Variants in RGSL1 observed in about 807,000 individuals in gnomAD.
RGSL1 encodes regulator of G protein signaling protein-like.
RGSL1 carries 97 observed loss-of-function variants against 124.7 expected under a neutral mutation model. The observed-to-expected ratio is 0.78, with a 90% CI of 0.66 to 0.92. RGSL1 has a LOEUF of 0.92. Ranked by LOEUF, RGSL1 falls within the 40% of genes least tolerant of loss-of-function variation. The pLI is 0.00. For missense variants in RGSL1, 1,233 were observed against 1,288.4 expected, an observed-to-expected ratio of 0.96 and a Z score of 0.66; for synonymous variants, 424 against 438.1, an observed-to-expected ratio of 0.97 and a Z score of 0.40.
rs1414936195 is a variant in RGSL1 at position 182,530,228 on chromosome 1, C to G, written c.2126-16C>G. 6.5e-7 allele frequency: 1 copy of G among 1,534,130 alleles called. No individual in the cohort carries two copies. Among genetic ancestry groups the G allele is most frequent in the Non-Finnish European group, 8.8e-7 (1 of 1,134,186 alleles). On this transcript the variant is annotated splice_polypyrimidine_tract_variant and intron_variant, in intron 11 of 21. Coordinates refer to ENST00000294854, the MANE Select transcript of RGSL1 (RefSeq NM_001137669.2). The stretch of plus-strand genomic sequence containing the variant: ...AGATGAGGATTACAGCTTCTTTTCT[C>G]TCTTGCATTTTCTAGAAGAAATGCT...
chr1:182,471,934 A>C (rs1399374007), intron 4 of RGSL1, among the ~76,000 whole-genome samples: 1 of 152,152 alleles, frequency 6.6e-6, no homozygotes. Context: ...TAGATGGACT[A>C]CATCTTTCAC....
chr1:182,505,038 A>T (rs914668306), intron 9 of RGSL1, among the ~76,000 whole-genome samples: 7 of 152,144 alleles, frequency 4.6e-5, no homozygotes, highest in African/African-American at 2.4e-5. Context: ...TTATTACCCC[A>T]TATGTATCCT....
intron 2 of RGSL1, among the ~76,000 whole-genome samples, chr1:182,455,384 C>G (rs1240923436): frequency 6.6e-6 from 1 of 152,098 alleles, no homozygotes; most frequent in African/African-American, 2.4e-5. Flanking sequence ...GAGTTTGAGA[C>G]CAGCCTGGCC....
intron 4 of RGSL1, 103 bp downstream of exon 4, chr1:182,460,236 G>A (rs559155889): frequency 9.5e-6 from 13 of 1,375,158 alleles, no homozygotes; most frequent in South Asian, 4.5e-5. Flanking sequence ...GTATGTGTGT[G>A]TGTGTGTGTG....
At chr1:182,494,757 G>A (rs770524161) in intron 9 of RGSL1, among the ~76,000 whole-genome samples, 2 of 152,212 alleles carry the variant, frequency 1.3e-5, no homozygotes, top group Non-Finnish European at 2.9e-5. Context: ...CTGAGGTATC[G>A]TCATTCTCCC....
chr1:182,500,422 T>C, intron 9 of RGSL1, among the ~76,000 whole-genome samples: 1 of 152,218 alleles, frequency 6.6e-6, no homozygotes, highest in East Asian at 1.9e-4. Flanking sequence ...TGTTTTATAG[T>C]AAGTTTTAAA....
intron 21 of RGSL1, among the ~76,000 whole-genome samples, chr1:182,559,559 C>G (rs191468502): frequency 6.6e-6 from 1 of 152,192 alleles, no homozygotes; most frequent in Non-Finnish European, 1.5e-5. Context: ...TCTGCTTCAT[C>G]CCACACACTG....
chr1:182,489,457 T>G (rs1655361442), intron 8 of RGSL1, among the ~76,000 whole-genome samples: 1 of 152,164 alleles, frequency 6.6e-6, no homozygotes, highest in African/African-American at 2.4e-5. Flanking sequence ...CTGCTGGATC[T>G]GAGGGAGCCA....
At chr1:182,520,197 C>A (rs1180126756) in intron 9 of RGSL1, among the ~76,000 whole-genome samples, 1 of 152,144 alleles carries the variant, frequency 6.6e-6, no homozygotes, top group East Asian at 1.9e-4. Flanking sequence ...TAGTAGCATC[C>A]AGATAACCTT....
At chr1:182,525,876 C>T (rs1239280050) in intron 10 of RGSL1, among the ~76,000 whole-genome samples, 1 of 151,782 alleles carries the variant, frequency 6.6e-6, no homozygotes, top group African/African-American at 2.4e-5. Flanking sequence ...AAAAAGATGA[C>T]ACAGATAATT....
At chr1:182,481,763 T>C (rs1654725916) in intron 6 of RGSL1, among the ~76,000 whole-genome samples, 1 of 150,522 alleles carries the variant, frequency 6.6e-6, no homozygotes, top group Non-Finnish European at 1.5e-5. Context: ...TGGGATTGCT[T>C]GAGCCCAGGA....
At chr1:182,531,938 G>A (rs1004421324) in intron 13 of RGSL1, among the ~76,000 whole-genome samples, 2 of 152,148 alleles carry the variant, frequency 1.3e-5, no homozygotes, top group African/African-American at 4.8e-5. Context: ...ACACAATTAG[G>A]TTCTGAGAAG....
Position 182,450,198 on chromosome 1 carries a change from G to T in RGSL1, c.13+20G>T. On this transcript the variant is annotated intron_variant, in intron 1 of 21. Transcript: ENST00000294854. ...GTGCTGGTGAGTCTCTGCCAGGGATGTCTCCAAGGCCTTGAGTCTCTCAAA... is the reference window on the plus strand; with the variant it reads ...GTGCTGGTGAGTCTCTGCCAGGGATTTCTCCAAGGCCTTGAGTCTCTCAAA... 1.3e-6 allele frequency: 2 copies of T among 1,552,038 alleles called. No homozygotes were observed. Among genetic ancestry groups the T allele is most frequent in the East Asian group, 4.9e-5 (2 of 40,916 alleles).
intron 21 of RGSL1, among the ~76,000 whole-genome samples, chr1:182,556,929 G>A (rs1287652404): frequency 1.3e-5 from 2 of 152,210 alleles, no homozygotes; most frequent in African/African-American, 4.8e-5. Context: ...TTACAGAATA[G>A]GAAAGGACTG....
intron 17 of RGSL1, 166 bp downstream of exon 17, chr1:182,548,990 G>C (rs1202784380): frequency 3.8e-6 from 3 of 785,480 alleles, no homozygotes; most frequent in Non-Finnish European, 1.9e-6. Flanking sequence ...CCCTCACACA[G>C]AACACCAAAC....
intron 21 of RGSL1, among the ~76,000 whole-genome samples, chr1:182,556,675 T>C (rs1660883763): frequency 6.6e-6 from 1 of 152,232 alleles, no homozygotes; most frequent in Admixed American, 6.5e-5. Context: ...CAACCTTTTA[T>C]GTAACTTTTC....
At chr1:182,533,296 C>CTTTTTT (rs71573276) in intron 14 of RGSL1, among the ~76,000 whole-genome samples, 25 of 107,734 alleles carry the variant, frequency 2.3e-4, no homozygotes, top group East Asian at 3.5e-4. Context: ...TAACTTGCTT[C>CTTTTTT]TTTTTTTTTT....
intron 10 of RGSL1, 105 bp downstream of exon 10, chr1:182,522,214 C>T (rs1202058226): frequency 1.3e-6 from 1 of 766,264 alleles, no homozygotes; most frequent in Non-Finnish European, 2.2e-6. Context: ...GGTTTTCAGA[C>T]CCTTTTCCAT....
chr1:182,544,403 A>G (rs1352482760), intron 15 of RGSL1, among the ~76,000 whole-genome samples: 1 of 151,724 alleles, frequency 6.6e-6, no homozygotes, highest in African/African-American at 2.4e-5. Context: ...ATTTGTTGAG[A>G]CTTGTTTTGT....
Sources: allele counts gnomAD v4.1 joint callset (sites outside exome capture counted in the v4.1 genomes callset), GRCh38; gene constraint gnomAD v4.1.1; transcripts MANE v1.5; gene names NCBI Gene and HGNC (gene_info 2026-07-23, HGNC 2026-07-21).